Variants in GIPC3 observed in about 807,000 individuals in gnomAD.
GIPC3 encodes GIPC PDZ domain containing family member 3, also known as PDZ domain-containing protein GIPC3.
A neutral mutation model predicts 27.3 loss-of-function variants in GIPC3; 16 were observed. The observed-to-expected ratio is 0.59, with a 90% CI of 0.40 to 0.89. The LOEUF is 0.89. Ranked by LOEUF, GIPC3 falls within the 40% of genes least tolerant of loss-of-function variation. The probability of loss-of-function intolerance (pLI) is 0.00; values close to 1 mark genes in which losing one functional copy is unlikely to be tolerated. For synonymous variants in GIPC3, 194 were observed against 184.6 expected, an observed-to-expected ratio of 1.05 and a Z score of -0.41; for missense variants, 440 against 442.1, an observed-to-expected ratio of 1.00 and a Z score of 0.04.
chr19:3,593,527 C>T lies in GIPC3; in HGVS notation c.*3337C>T. On this transcript the variant is annotated 3_prime_UTR_variant, in exon 6 of 6. Coordinates refer to ENST00000644452, the MANE Select transcript of GIPC3 (RefSeq NM_133261.3). Reference sequence around the variant, plus strand: ...TGAGGGCTCATGGTGAATAAAGGCACCTTCCATCTCTGCAGCCTGGTGTGT... The same window carrying T: ...TGAGGGCTCATGGTGAATAAAGGCATCTTCCATCTCTGCAGCCTGGTGTGT... 2.6e-6 allele frequency: 1 copy of T among 391,988 alleles called. No homozygotes were observed. The highest frequency in any genetic ancestry group is 4.5e-6 in the Non-Finnish European group (1 of 223,156). 24.3% of individuals were successfully genotyped at this position (391,988 alleles called of 1,614,324 possible). A position where few individuals can be genotyped will look rare whatever the true frequency, so the allele number is the denominator to read the frequency against.
rs1379963218 is a variant in GIPC3 at position 3,591,280 on chromosome 19, C to T, written c.*1090C>T. Reference sequence around the variant, plus strand: ...CCCTGCTCTGAAGCCCAGGCCAGCTCTGAGACGAAGCACATCTCTAGAATC... The same window carrying T: ...CCCTGCTCTGAAGCCCAGGCCAGCTTTGAGACGAAGCACATCTCTAGAATC... On this transcript the variant is annotated 3_prime_UTR_variant, in exon 6 of 6. Transcript: ENST00000644452. 8.1e-7 allele frequency: 1 copy of T among 1,232,644 alleles called. No individual in the cohort carries two copies. Among genetic ancestry groups the T allele is most frequent in the African/African-American group, 1.6e-5 (1 of 64,438 alleles). The allele number at this position is 1,232,644 out of a possible 1,614,324, so 76.4% of individuals were successfully genotyped here.
Position 3,585,753 on chromosome 19 carries a change from C to A in GIPC3, c.156C>A (p.Ile52=). The A allele has an allele frequency of 6.5e-7, 1 of 1,546,496 alleles. No homozygotes were observed. The highest frequency in any genetic ancestry group is 8.7e-7 in the Non-Finnish European group (1 of 1,145,702). The change falls in exon 1 of 6, where the codon ATC becomes ATA. Residue 52 remains isoleucine (I), a synonymous_variant. Coordinates refer to ENST00000644452, the MANE Select transcript of GIPC3 (RefSeq NM_133261.3). ...CGCACGGGAGCCCCACGGGCAAGATCGAGGGCTTCACCAACGTCCGCGAGC... is the reference window on the plus strand; with the variant it reads ...CGCACGGGAGCCCCACGGGCAAGATAGAGGGCTTCACCAACGTCCGCGAGC... The part of the protein sequence containing the change: ...QLAHGSPTGK[I]EGFTNVRELY...
At position 3,590,240 on chromosome 19, in the gene GIPC3, G is replaced by A. The variant is rs1467514047; in HGVS notation, c.*50G>A. ...GCCCCAGCCCGGAGCCCAGCCCCCT[G>A]CCCCGGCCCTGCTCCAGAACCCAGC... On this transcript the variant is annotated 3_prime_UTR_variant, in exon 6 of 6. Transcript: ENST00000644452. 7.8e-6 allele frequency: 12 copies of A among 1,546,778 alleles called. No individual in the cohort carries two copies. The highest frequency in any genetic ancestry group is 4.8e-5 in the East Asian group (2 of 41,428).
Position 3,591,305 on chromosome 19 carries a change from C to G in GIPC3, c.*1115C>G, listed in dbSNP as rs561258235. 2.4e-6 allele frequency: 3 copies of G among 1,232,482 alleles called. No homozygotes were observed. In the African/African-American group the frequency reaches 4.6e-5, roughly 19 times the overall value. 76.3% of individuals were successfully genotyped at this position (1,232,482 alleles called of 1,614,324 possible). A position where few individuals can be genotyped will look rare whatever the true frequency, so the allele number is the denominator to read the frequency against. On this transcript the variant is annotated 3_prime_UTR_variant, in exon 6 of 6. Transcript: ENST00000644452. ...CTGAGACGAAGCACATCTCTAGAAT[C>G]CAGCTGAGCCCTGACAACAAGCCAA...
In GIPC3 at chr19:3,585,794, C is replaced by T; in HGVS notation, c.197C>T (p.Ala66Val). 6.5e-7 allele frequency: 1 copy of T among 1,547,668 alleles called. No individual in the cohort carries two copies. The part of the protein sequence containing the change: ...TNVRELYAKI[A>V]EAFGIAPTEI... ...GTCCGCGAGCTGTACGCCAAGATCG[C>T]CGAAGCCTTCGGGATCGCGCCCACC... is the stretch of plus-strand genomic sequence containing the variant. The change falls in exon 1 of 6, where the codon GCC becomes GTC. Residue 66 changes from alanine to valine, a missense_variant. Transcript: ENST00000644452.
Position 3,592,452 on chromosome 19 carries a change from A to G in GIPC3, c.*2262A>G. 2 of 1,231,950 alleles carry G rather than the reference A, an allele frequency of 1.6e-6. No individual in the cohort carries two copies. The highest frequency in any genetic ancestry group is 2.0e-6 in the Non-Finnish European group (2 of 987,936). The allele number at this position is 1,231,950 out of a possible 1,614,324, so 76.3% of individuals were successfully genotyped here. A position where few individuals can be genotyped will look rare whatever the true frequency, so the allele number is the denominator to read the frequency against. ...GATTTCCGGAGCCCAACCCAGCTCC[A>G]GAACTCAGACTAGTTCTGGAAACCA... On this transcript the variant is annotated 3_prime_UTR_variant, in exon 6 of 6. Transcript: ENST00000644452.
intron 3 of GIPC3, among the ~76,000 whole-genome samples, chr19:3,588,656 A>AAAAAAAAAC (rs1555704535): frequency 7.3e-5 from 11 of 151,046 alleles, no homozygotes; most frequent in African/African-American, 2.7e-4. Flanking sequence ...AAAAAAAAAA[A>AAAAAAAAAC]AAACCTGGCT....
chr19:3,586,740 TG>T (rs1226690826), intron 2 of GIPC3, 60 bp downstream of exon 2: 2 of 1,610,024 alleles, frequency 1.2e-6, no homozygotes, highest in East Asian at 4.5e-5. Context: ...CCCCCCACTC[TG>T]GGTCGACGTG....
rs200925508 is a variant in GIPC3, at chr19:3,589,823, G to GC, written c.706-3dup. 2.9e-4 allele frequency: 465 copies of GC among 1,613,466 alleles called. 2 individuals are homozygous for GC. The East Asian group carries it at 9.0e-3, about 31-fold the overall frequency. ...TTCACCCCTGACTTCCCTCCCGTGTGCCCCCAGCCCAGTGAGTTTGAGGAG... is the reference window on the plus strand; with the variant it reads ...TTCACCCCTGACTTCCCTCCCGTGTGCCCCCCAGCCCAGTGAGTTTGAGGAG... On this transcript the variant is annotated splice_polypyrimidine_tract_variant and splice_region_variant and intron_variant, in intron 4 of 5. Transcript: ENST00000644452.
Position 3,592,171 on chromosome 19 carries a change from G to T in GIPC3, c.*1981G>T, listed in dbSNP as rs1167278645. 1 of 1,232,014 alleles carries T rather than the reference G, an allele frequency of 8.1e-7. No individual in the cohort carries two copies. Among genetic ancestry groups the T allele is most frequent in the South Asian group, 4.1e-5 (1 of 24,306 alleles). The allele number at this position is 1,232,014 out of a possible 1,614,324, so 76.3% of individuals were successfully genotyped here. ...ACAGCCCTGTCTAGTTCCGACAGCAGGTCCAGCTCCAGGACCCAGCGCTGC... is the reference window on the plus strand; with the variant it reads ...ACAGCCCTGTCTAGTTCCGACAGCATGTCCAGCTCCAGGACCCAGCGCTGC... On this transcript the variant is annotated 3_prime_UTR_variant, in exon 6 of 6. Transcript: ENST00000644452.
Position 3,593,454 on chromosome 19 carries a change from C to A in GIPC3, c.*3264C>A. On this transcript the variant is annotated 3_prime_UTR_variant, in exon 6 of 6. Coordinates refer to ENST00000644452, the MANE Select transcript of GIPC3 (RefSeq NM_133261.3). ...CACCGGTCCTGGCTCAGATCCAGGT[C>A]CTTGGAGGGAAAAGGAGGGCAGGAG... The A allele has an allele frequency of 1.8e-6, 1 of 549,348 alleles. No individual in the cohort carries two copies. The highest frequency in any genetic ancestry group is 3.5e-5 in the East Asian group (1 of 28,674). 34.0% of individuals were successfully genotyped at this position (549,348 alleles called of 1,614,324 possible). A position where few individuals can be genotyped will look rare whatever the true frequency, so the allele number is the denominator to read the frequency against.
In GIPC3 at chr19:3,592,222, C is replaced by T; in HGVS notation, c.*2032C>T. The T allele has an allele frequency of 8.1e-7, 1 of 1,232,274 alleles. No individual in the cohort carries two copies. Among genetic ancestry groups the T allele is most frequent in the East Asian group, 3.2e-5 (1 of 31,706 alleles). 76.3% of individuals were successfully genotyped at this position (1,232,274 alleles called of 1,614,324 possible). A position where few individuals can be genotyped will look rare whatever the true frequency, so the allele number is the denominator to read the frequency against. The stretch of plus-strand genomic sequence containing the variant: ...CCAGGAGCTCGACCAGCCTCTGGGA[C>T]TCAATTCGCCTCTAAAACCCTGCCA... On this transcript the variant is annotated 3_prime_UTR_variant, in exon 6 of 6. Transcript: ENST00000644452.
rs771267484 is a variant in GIPC3 at position 3,592,255 on chromosome 19, G to C, written c.*2065G>C. The C allele has an allele frequency of 1.9e-5, 24 of 1,232,062 alleles. No individual in the cohort carries two copies. The highest frequency in any genetic ancestry group is 2.4e-5 in the Non-Finnish European group (24 of 988,074). The allele number at this position is 1,232,062 out of a possible 1,614,324, so 76.3% of individuals were successfully genotyped here. A position where few individuals can be genotyped will look rare whatever the true frequency, so the allele number is the denominator to read the frequency against. On this transcript the variant is annotated 3_prime_UTR_variant, in exon 6 of 6. Transcript: ENST00000644452. ...GCCTCTAAAACCCTGCCAGGTTCTA[G>C]ATACCAGCTCCAGACCACAGCCCCA...
rs1048499789 is a variant in GIPC3 at position 3,589,719 on chromosome 19, G to A, written c.706-112G>A. 17 of 1,173,390 alleles carry A rather than the reference G, an allele frequency of 1.4e-5. 1 individual carries two copies. The South Asian group carries it at 2.1e-4, about 15-fold the overall frequency. The allele number at this position is 1,173,390 out of a possible 1,614,324, so 72.7% of individuals were successfully genotyped here. A position where few individuals can be genotyped will look rare whatever the true frequency, so the allele number is the denominator to read the frequency against. ...CAATGATGTTGGTACCAGCACTACT[G>A]ACTCGTGTGAGGGTCCAGTCTACTC... On this transcript the variant is annotated intron_variant, in intron 4 of 5. Transcript: ENST00000644452.
chr19:3,587,913 T>C (rs550646375), intron 3 of GIPC3, among the ~76,000 whole-genome samples: 1 of 152,022 alleles, frequency 6.6e-6, no homozygotes, highest in South Asian at 2.1e-4. Context: ...ACGGTCTCGA[T>C]CTCCTGACCT....
In GIPC3 at chr19:3,585,612, G is replaced by T. The variant is rs901854393; in HGVS notation, c.15G>T (p.Ala5=). 5.2e-6 allele frequency: 6 copies of T among 1,160,260 alleles called. No homozygotes were observed. The highest frequency in any genetic ancestry group is 5.3e-6 in the Non-Finnish European group (5 of 943,786). 71.9% of individuals were successfully genotyped at this position (1,160,260 alleles called of 1,614,324 possible). A position where few individuals can be genotyped will look rare whatever the true frequency, so the allele number is the denominator to read the frequency against. ...CTTCTCCCGCCATGGAGGGAGCAGC[G>T]GCCCGGGAGGCCCGGGGGACCGAGA... The part of the protein sequence containing the change: MEGA[A]AREARGTETP... Residue 5 remains alanine, a synonymous_variant, in exon 1 of 6, where the codon GCG becomes GCT. Coordinates refer to ENST00000644452, the MANE Select transcript of GIPC3 (RefSeq NM_133261.3).
rs1333949803 is a variant in GIPC3, at chr19:3,586,549, G to A, written c.280G>A (p.Gly94Ser). The A allele has an allele frequency of 1.2e-6, 2 of 1,613,902 alleles. No individual in the cohort carries two copies. Among genetic ancestry groups the A allele is most frequent in the Admixed American group, 1.7e-5 (1 of 60,024 alleles). ...AGTGGACATGCAGAAGCTCCTGGGG[G>A]GTCAGATAGGCCTGGAGGACTTCAT... ...HKVDMQKLLGGQIGLEDFIFA... is the reference protein window; with the variant it reads ...HKVDMQKLLGSQIGLEDFIFA... Residue 94 changes from glycine to serine, a missense_variant, in exon 2 of 6, where the codon GGT becomes AGT. Gly to Ser is a moderately conservative substitution (Grantham distance 56). Coordinates refer to ENST00000644452, the MANE Select transcript of GIPC3 (RefSeq NM_133261.3).
rs2145276831 is a variant in GIPC3 at position 3,591,087 on chromosome 19, G to A, written c.*897G>A. 8.3e-7 allele frequency: 1 copy of A among 1,201,802 alleles called. No individual in the cohort carries two copies. Among genetic ancestry groups the A allele is most frequent in the Non-Finnish European group, 1.0e-6 (1 of 973,616 alleles). The allele number at this position is 1,201,802 out of a possible 1,614,324, so 74.4% of individuals were successfully genotyped here. A position where few individuals can be genotyped will look rare whatever the true frequency, so the allele number is the denominator to read the frequency against. Reference sequence around the variant, plus strand: ...TTCTAGAATTCAGGCCACATCTGAAGCCAAGCCCAGCTCTAGAACTCAGGT... The same window carrying A: ...TTCTAGAATTCAGGCCACATCTGAAACCAAGCCCAGCTCTAGAACTCAGGT... On this transcript the variant is annotated 3_prime_UTR_variant, in exon 6 of 6. Transcript: ENST00000644452.
Position 3,586,640 on chromosome 19 carries a change from T to C in GIPC3, c.371T>C (p.Leu124Pro), listed in dbSNP as rs886043305. The change falls in exon 2 of 6, where the codon CTG becomes CCG. Residue 124 changes from leucine (L) to proline (P), a missense_variant. Leu to Pro is a moderately conservative substitution (Grantham distance 98). Coordinates refer to ENST00000644452, the MANE Select transcript of GIPC3 (RefSeq NM_133261.3). ...EVTKTEDALG[L>P]TITDNGAGYA... is the part of the protein sequence containing the mutation. ...ACTAAGACAGAGGATGCTCTGGGGC[T>C]GACCATCACGGACAACGGGGCTGGC... is the stretch of plus-strand genomic sequence containing the variant. 1 of 1,605,472 alleles carries C rather than the reference T, an allele frequency of 6.2e-7. No individual in the cohort carries two copies. The highest frequency in any genetic ancestry group is 1.4e-5 in the African/African-American group (1 of 72,780).
Sources: allele counts gnomAD v4.1 joint callset (sites outside exome capture counted in the v4.1 genomes callset), GRCh38; gene constraint gnomAD v4.1.1; transcripts MANE v1.5; gene names NCBI Gene and HGNC (gene_info 2026-07-23, HGNC 2026-07-21).